LRRC37B: variants seen among roughly 807,000 people sequenced by gnomAD.
LRRC37B encodes leucine rich repeat containing 37B.
In LRRC37B, 28 loss-of-function variants were observed where a neutral mutation model predicts 98.3. That is an observed-to-expected ratio of 0.28 (90% confidence interval 0.21 to 0.39). LRRC37B has a LOEUF of 0.39. LRRC37B is among the 10% of genes least tolerant of loss of function. The probability of loss-of-function intolerance (pLI) is 1.00; values close to 1 mark genes in which losing one functional copy is unlikely to be tolerated. For synonymous variants in LRRC37B, 364 were observed against 442.7 expected (o/e 0.82, Z 2.23); for missense variants, 938 against 1,182.7 (o/e 0.79, Z 3.03).
intron 5 of LRRC37B, 42 bp from the exon 9 acceptor site, chr17:32,034,868 C>A: frequency 7.0e-7 from 1 of 1,432,636 alleles, no homozygotes; most frequent in Non-Finnish European, 9.8e-7. Flanking sequence ...CAGTTTCACA[C>A]ATTGAAAATG....
chr17:32,025,763 C>G (rs934987756), intron 2 of LRRC37B, among the ~76,000 whole-genome samples: 18 of 152,168 alleles, frequency 1.2e-4, no homozygotes, highest in African/African-American at 4.3e-4. Context: ...GCATAGATAT[C>G]TAGAAATGGA....
At chr17:32,007,842 C>T (rs1598198757), upstream of LRRC37B, 1 of 1,166,300 alleles carries the variant, frequency 8.6e-7, no homozygotes, top group Non-Finnish European at 1.1e-6. This position sits in a 1 kb window ranked among gnomAD's most constrained non-coding sequence, Gnocchi z 4.1. Flanking sequence ...GCCGCCGGCC[C>T]GCCCCGCGCC....
intron 7 of LRRC37B, chr17:32,042,692 CT>C (rs1911476754): frequency 6.6e-6 from 1 of 152,666 alleles, no homozygotes; most frequent in African/African-American, 2.4e-5. Context: ...GGACCCCAGG[CT>C]CTGCTCTGCA....
chr17:32,023,471 G>C (rs943459210), intron 1 of LRRC37B, among the ~76,000 whole-genome samples: 1 of 152,204 alleles, frequency 6.6e-6, no homozygotes, highest in African/African-American at 2.4e-5. Flanking sequence ...TCTCAGTGAT[G>C]ATGCTCTAAG....
chr17:32,021,782 A>T, exon 1 of LRRC37B: 1 of 1,614,234 alleles, frequency 6.2e-7, no homozygotes, highest in South Asian at 1.1e-5. Context: ...CACACCAATT[A>T]TCCAAACCTC....
At chr17:32,046,122 C>T (rs532460071) in intron 8 of LRRC37B, among the ~76,000 whole-genome samples, 1 of 152,292 alleles carries the variant, frequency 6.6e-6, no homozygotes, top group South Asian at 2.1e-4. Context: ...GGTGCTTTGC[C>T]CCCAGTGATA....
chr17:32,022,450 C>T (rs765421928), exon 1 of LRRC37B: 15 of 1,612,726 alleles, frequency 9.3e-6, no homozygotes, highest in Admixed American at 1.7e-5. Flanking sequence ...GAGGTTAAAC[C>T]GTCTCCAACC....
chr17:32,049,798 G>C (rs1204612599), intron 10 of LRRC37B, among the ~76,000 whole-genome samples: 1 of 151,994 alleles, frequency 6.6e-6, no homozygotes, highest in Non-Finnish European at 1.5e-5. Flanking sequence ...GCCCAGGGAG[G>C]TCGAGTCAGT....
chr17:32,027,422 C>T (rs373708057), intron 2 of LRRC37B, among the ~76,000 whole-genome samples: 14,708 of 105,892 alleles, frequency 0.14, 972 homozygotes, highest in Middle Eastern at 0.24. Flanking sequence ...AGTGTGTGTG[C>T]GTGCTTGCCT....
chr17:32,034,943 A>G (rs772559407), exon 6 of LRRC37B: 1 of 1,612,402 alleles, frequency 6.2e-7, no homozygotes, highest in East Asian at 2.2e-5. Flanking sequence ...CTACTGTCGA[A>G]GATCCATATC....
At chr17:32,011,458 CAA>C (rs1425976662) in intron 1 of LRRC37B, among the ~76,000 whole-genome samples, 1 of 152,214 alleles carries the variant, frequency 6.6e-6, no homozygotes, top group Non-Finnish European at 1.5e-5. Flanking sequence ...CTTGGCCTCC[CAA>C]AGTGCTGGGA....
rs1469763770 is a variant in LRRC37B, at chr17:32,021,462, G to A, written c.397G>A (p.Glu133Lys). 1.9e-6 allele frequency: 3 copies of A among 1,614,104 alleles called. No homozygotes were observed. The highest frequency in any genetic ancestry group is 2.2e-5 in the East Asian group (1 of 44,884). ...CCTGAAGGAATTGGATTCAGCTGGA[G>A]AGCTGCCCCTGGGGCCAGAGCCGTT... Residue 133 changes from glutamate to lysine, a missense_variant, in exon 1 of 12, where the codon GAG becomes AAG. By Grantham distance (56) the Glu-to-Lys change is moderately conservative. Around this residue, in one of 2 missense-constraint regions of LRRC37B, gnomAD observed 610 missense variants for 625.6 expected, o/e 0.98. Transcript: ENST00000327564.
At chr17:32,044,996 C>A (rs561239686) in intron 7 of LRRC37B, among the ~76,000 whole-genome samples, 12 of 150,988 alleles carry the variant, frequency 7.9e-5, no homozygotes, top group Admixed American at 5.2e-4. Context: ...TTTCACCCAA[C>A]TCCATCAGTG....
chr17:32,022,447 A>G, exon 1 of LRRC37B: 1 of 1,612,944 alleles, frequency 6.2e-7, no homozygotes, highest in Non-Finnish European at 8.5e-7. Context: ...ACAGAGGTTA[A>G]ACCGTCTCCA....
At chr17:32,008,129 C>T (rs536681799) in exon 1 of LRRC37B, 31 of 361,900 alleles carry the variant, frequency 8.6e-5, no homozygotes, top group African/African-American at 5.6e-4. Flanking sequence ...CAGCAGCACT[C>T]CAGGTACCCA....
exon 1 of LRRC37B, chr17:32,022,485 C>T (rs1313115100): frequency 1.9e-6 from 3 of 1,612,986 alleles, no homozygotes; most frequent in African/African-American, 1.3e-5. Context: ...AGCTCAGCCT[C>T]CAGACCCGGG....
intron 7 of LRRC37B, chr17:32,040,415 G>A (rs868434800): frequency 2.1e-5 from 11 of 532,412 alleles, no homozygotes; most frequent in South Asian, 1.7e-4. Context: ...CCGGGCGGAG[G>A]TTCTGCGGCG....
intron 1 of LRRC37B, among the ~76,000 whole-genome samples, chr17:32,009,535 A>C (rs1194997754): frequency 6.6e-6 from 1 of 152,224 alleles, no homozygotes; most frequent in African/African-American, 2.4e-5. Context: ...GGCCTCCCAA[A>C]GTGCTGAGAT....
chr17:32,035,677 G>T (rs764394944), intron 7 of LRRC37B, 38 bp downstream of exon 10: 2 of 1,547,046 alleles, frequency 1.3e-6, no homozygotes, highest in Non-Finnish European at 1.8e-6. Flanking sequence ...TTACTTAGTT[G>T]GTTTTTTAGG....
Sources: allele counts gnomAD v4.1 joint callset (sites outside exome capture counted in the v4.1 genomes callset), GRCh38; gene constraint gnomAD v4.1.1; regional missense constraint gnomAD v4.1.1; non-coding constraint Gnocchi (gnomAD v3.1); transcripts MANE v1.5; gene names NCBI Gene and HGNC (gene_info 2026-07-23, HGNC 2026-07-21).